FLVCR1: variants seen among roughly 807,000 people sequenced by gnomAD.
FLVCR1 encodes FLVCR choline and heme transporter 1, also known as choline/ethanolamine transporter FLVCR1.
In FLVCR1, 34 loss-of-function variants were observed where a neutral mutation model predicts 53.6. The observed-to-expected ratio is 0.63, with a 90% CI of 0.48 to 0.84. FLVCR1 has a LOEUF of 0.84. Among genes scored for constraint, FLVCR1 ranks in the 40% least tolerant of loss-of-function variants. The pLI is 0.00. For synonymous variants in FLVCR1, 300 were observed against 286.3 expected (o/e 1.05, Z -0.48); for missense variants, 677 against 696.7 (o/e 0.97, Z 0.32).
intron 1 of FLVCR1, among the ~76,000 whole-genome samples, chr1:212,863,458 G>A (rs774507394): frequency 2.6e-5 from 4 of 151,730 alleles, no homozygotes; most frequent in Non-Finnish European, 5.9e-5. Context: ...GCGTTGTGGC[G>A]CGCGCCTGTA....
chr1:212,872,996 A>C (rs1251339461), intron 3 of FLVCR1, among the ~76,000 whole-genome samples, 178 bp downstream of exon 3: 2 of 152,182 alleles, frequency 1.3e-5, no homozygotes, highest in Non-Finnish European at 2.9e-5. Context: ...CATATTTTTA[A>C]AAATAATAAT....
intron 1 of FLVCR1, among the ~76,000 whole-genome samples, chr1:212,862,184 A>AC (rs34714230): frequency 0.69 from 104,403 of 151,618 alleles, 37,474 homozygotes; most frequent in East Asian, 1. Context: ...AATTCACATA[A>AC]ATAAAACTAA....
intron 4 of FLVCR1, among the ~76,000 whole-genome samples, chr1:212,884,959 G>C (rs1320382687): frequency 6.6e-6 from 1 of 152,186 alleles, no homozygotes; most frequent in Non-Finnish European, 1.5e-5. Flanking sequence ...ATATGATTCA[G>C]AGTTGACCTA....
rs992883082 is a variant in FLVCR1 at position 212,858,475 on chromosome 1, AG to A, written c.28del (p.Ala10ArgfsTer40). MARPDDEEGAAVAPGHPL... is the reference protein window; with the variant it reads MARPDDEXGAAVAPGHPL... ...GATATGGCGCGGCCAGACGATGAGG[AG>A]GGGGCGGCGGTGGCGCCCGGACACC... On this transcript the variant is annotated frameshift_variant, in exon 1 of 10. Transcript: ENST00000366971. LOFTEE classifies it high-confidence loss of function. The A allele has an allele frequency of 7.6e-6, 11 of 1,441,156 alleles. No homozygotes were observed. In the Admixed American group the frequency reaches 2.5e-4, roughly 33 times the overall value. The allele number at this position is 1,441,156 out of a possible 1,614,324, so 89.3% of individuals were successfully genotyped here.
At chr1:212,872,495 A>G (rs1664628513) in intron 2 of FLVCR1, among the ~76,000 whole-genome samples, 183 bp from the exon 3 acceptor site, 1 of 152,204 alleles carries the variant, frequency 6.6e-6, no homozygotes, top group Non-Finnish European at 1.5e-5. Context: ...GTGTTAAACT[A>G]TTCTTCACTT....
intron 2 of FLVCR1, among the ~76,000 whole-genome samples, chr1:212,871,473 G>T (rs1344878026): frequency 6.6e-6 from 1 of 152,092 alleles, no homozygotes; most frequent in Non-Finnish European, 1.5e-5. Flanking sequence ...TATGATCCCA[G>T]CTCACTGCAG....
chr1:212,875,948 G>A lies in FLVCR1; in HGVS notation c.1024+3130G>A, dbSNP rs371704125. Among the ~76,000 whole-genome samples, 8 of 150,506 alleles carry A rather than the reference G, an allele frequency of 5.3e-5. No homozygotes were observed. The East Asian group carries it at 1.2e-3, about 23-fold the overall frequency. On this transcript the variant is annotated intron_variant, in intron 3 of 9. Transcript: ENST00000366971. ...GTCACCCAGGCTGGAGTGCAGTGGCGTGATCTTGGCTCACTGCAACCTCCA... is the reference window on the plus strand; with the variant it reads ...GTCACCCAGGCTGGAGTGCAGTGGCATGATCTTGGCTCACTGCAACCTCCA...
chr1:212,883,335 A>G (rs1664970565), intron 3 of FLVCR1, 36 bp from the exon 4 acceptor site: 1 of 1,133,234 alleles, frequency 8.8e-7, no homozygotes, highest in African/African-American at 1.5e-5. Context: ...TATTGTAGGT[A>G]TCATGACTTA....
chr1:212,865,178 G>A lies in FLVCR1; in HGVS notation c.883+1309G>A, dbSNP rs1364880331. ...AAGTTTTAGGGTACATGTGCACAAC[G>A]TGCAGGTTTGTTACATATGTATACA... On this transcript the variant is annotated intron_variant, in intron 2 of 9. Coordinates refer to ENST00000366971, the MANE Select transcript of FLVCR1 (RefSeq NM_014053.4). 4.0e-5 allele frequency among the ~76,000 whole-genome samples: 6 copies of A among 149,770 alleles called. No homozygotes were observed. The South Asian group carries it at 8.4e-4, about 21-fold the overall frequency.
chr1:212,878,533 CAAAAAAAAAAAAAA>C (rs58243050), intron 3 of FLVCR1, among the ~76,000 whole-genome samples: 6 of 112,818 alleles, frequency 5.3e-5, no homozygotes, highest in African/African-American at 2.2e-4. Flanking sequence ...GTCTCCGTCT[CAAAAAAAAAAAAAA>C]AAAAAAATAC....
chr1:212,890,083 C>T (rs555348749), intron 8 of FLVCR1, among the ~76,000 whole-genome samples: 3 of 152,280 alleles, frequency 2.0e-5, no homozygotes, highest in Non-Finnish European at 4.4e-5. Context: ...AGTGCTTATA[C>T]TTCTTAGGTA....
chr1:212,880,657 G>A (rs984740956), intron 3 of FLVCR1, among the ~76,000 whole-genome samples: 3 of 152,120 alleles, frequency 2.0e-5, no homozygotes, highest in African/African-American at 7.2e-5. Context: ...AATTAGCCAG[G>A]TGTGTTGGTG....
intron 1 of FLVCR1, among the ~76,000 whole-genome samples, chr1:212,860,976 GCCCTTGCTGTCTT>G (rs534372352): frequency 1.2e-3 from 187 of 152,246 alleles, no homozygotes; most frequent in Middle Eastern, 3.4e-3. Context: ...CCTATCTGTA[GCCCTTGCTGTCTT>G]CCCTCTGTTC....
chr1:212,893,176 C>T (rs1331825879), intron 8 of FLVCR1, among the ~76,000 whole-genome samples: 3 of 151,990 alleles, frequency 2.0e-5, no homozygotes, highest in Admixed American at 2.0e-4. Flanking sequence ...CTGCCTCAGC[C>T]TCCTGAGTAG....
chr1:212,893,922 C>CCCA (rs1426113922), intron 8 of FLVCR1, among the ~76,000 whole-genome samples: 1 of 151,998 alleles, frequency 6.6e-6, no homozygotes, highest in Admixed American at 6.6e-5. Context: ...ATTACAGATG[C>CCCA]CCACCACCAC....
At chr1:212,878,533 CAAAAAAAAAA>C (rs58243050) in intron 3 of FLVCR1, among the ~76,000 whole-genome samples, 1 of 112,842 alleles carries the variant, frequency 8.9e-6, no homozygotes. Context: ...GTCTCCGTCT[CAAAAAAAAAA>C]AAAAAAAAAA....
chr1:212,881,752 T>C (rs572168679), intron 3 of FLVCR1, among the ~76,000 whole-genome samples: 106 of 152,246 alleles, frequency 7.0e-4, no homozygotes, highest in African/African-American at 2.6e-3. Context: ...AAGACATTAT[T>C]GAAAAAGGGA....
intron 3 of FLVCR1, among the ~76,000 whole-genome samples, chr1:212,881,162 T>TAAACTA (rs1030427256): frequency 6.6e-6 from 1 of 152,092 alleles, no homozygotes; most frequent in Non-Finnish European, 1.5e-5. Context: ...ATGGGAAAAA[T>TAAACTA]AAACTAAAAT....
intron 1 of FLVCR1, among the ~76,000 whole-genome samples, chr1:212,860,832 T>C (rs1190256587): frequency 1.3e-5 from 2 of 152,200 alleles, no homozygotes; most frequent in Non-Finnish European, 2.9e-5. Flanking sequence ...GCCAGCTGGA[T>C]AGTCTACTTG....
Sources: allele counts gnomAD v4.1 joint callset (sites outside exome capture counted in the v4.1 genomes callset), GRCh38; gene constraint gnomAD v4.1.1; transcripts MANE v1.5; gene names NCBI Gene and HGNC (gene_info 2026-07-23, HGNC 2026-07-21).